RAB28: variants seen among roughly 807,000 people sequenced by gnomAD.
The protein encoded by RAB28 is ras-related protein Rab-28.
Under a neutral mutation model 31.7 loss-of-function variants are expected in RAB28, and 24 were observed. The ratio of observed to expected loss-of-function variants is 0.76; its 90% CI spans 0.55 to 1.06. The LOEUF is 1.06. RAB28 is among the 50% of genes least tolerant of loss of function. The pLI, the probability that RAB28 is intolerant of heterozygous loss-of-function variation, is 0.00. For synonymous variants in RAB28, 100 were observed against 90.4 expected (o/e 1.11, Z -0.60); for missense variants, 254 against 258.5 (o/e 0.98, Z 0.12).
At position 13,376,586 on chromosome 4, in the gene RAB28, G is replaced by C. The variant is rs375680071; in HGVS notation, c.532C>G (p.Leu178Val). Residue 178 changes from leucine to valine, a missense_variant, in exon 6 of 7, where the codon CTT (leucine) becomes GTT (valine). Physicochemically the swap from Leu to Val is conservative, Grantham distance 32. Coordinates refer to ENST00000330852, the MANE Select transcript of RAB28 (RefSeq NM_001017979.3). Reference sequence around the variant, plus strand: ...TCTGCTTTGTTTAATTTGATCCCAAGGATTTCAGCAGCAACTTTCTGAAAG... The same window carrying C: ...TCTGCTTTGTTTAATTTGATCCCAACGATTTCAGCAGCAACTTTCTGAAAG... ...LCFQKVAAEI[L>V]GIKLNKAEIE... 1 of 1,602,774 alleles carries C rather than the reference G, an allele frequency of 6.2e-7. No homozygotes were observed. The highest frequency in any genetic ancestry group is 2.3e-5 in the East Asian group (1 of 44,304).
At chr4:13,408,663 G>GA (rs1712244430) in intron 4 of RAB28, among the ~76,000 whole-genome samples, 1 of 151,892 alleles carries the variant, frequency 6.6e-6, no homozygotes, top group South Asian at 2.1e-4. Context: ...CAAAAAAAAT[G>GA]AAAAAAATTC....
intron 4 of RAB28, among the ~76,000 whole-genome samples, chr4:13,399,386 TAAC>T (rs1316290067): frequency 3.3e-5 from 5 of 152,224 alleles, no homozygotes; most frequent in East Asian, 1.9e-4. Context: ...GTTAAGATAC[TAAC>T]AACAAAGCCA....
intron 4 of RAB28, among the ~76,000 whole-genome samples, chr4:13,392,605 T>C (rs79678462): frequency 2.6e-5 from 4 of 152,168 alleles, no homozygotes; most frequent in Admixed American, 2.0e-4. Context: ...CTTTCCTCCA[T>C]ATCCTGGCCA....
intron 4 of RAB28, among the ~76,000 whole-genome samples, chr4:13,452,973 T>C (rs532312521): frequency 2.7e-5 from 4 of 150,668 alleles, no homozygotes; most frequent in Non-Finnish European, 1.5e-5. Flanking sequence ...TGTATATATT[T>C]ACAATTGTTA....
At chr4:13,457,994 C>T (rs1019347745) in intron 4 of RAB28, among the ~76,000 whole-genome samples, 4 of 152,058 alleles carry the variant, frequency 2.6e-5, no homozygotes, top group Non-Finnish European at 5.9e-5. Context: ...TATAAGCCAA[C>T]GCTTTGTATG....
At chr4:13,400,551 C>A (rs543032085) in intron 4 of RAB28, among the ~76,000 whole-genome samples, 2 of 152,100 alleles carry the variant, frequency 1.3e-5, no homozygotes, top group Admixed American at 6.5e-5. Flanking sequence ...GTTTTATATA[C>A]CTTTTTCTTG....
chr4:13,403,376 A>G (rs1456888686), intron 4 of RAB28, among the ~76,000 whole-genome samples: 2 of 152,212 alleles, frequency 1.3e-5, no homozygotes, highest in Non-Finnish European at 2.9e-5. Flanking sequence ...CTCTGGCTCA[A>G]AAACCTTTAG....
chr4:13,442,670 T>A (rs894045917), intron 4 of RAB28, among the ~76,000 whole-genome samples: 13 of 152,036 alleles, frequency 8.6e-5, no homozygotes, highest in Admixed American at 5.9e-4. Context: ...CCATTACCCA[T>A]AAGAGAAGAC....
At chr4:13,414,240 T>G (rs922939955) in intron 4 of RAB28, among the ~76,000 whole-genome samples, 1 of 152,180 alleles carries the variant, frequency 6.6e-6, no homozygotes, top group Non-Finnish European at 1.5e-5. Context: ...TCTGCAGTAA[T>G]GTTATTGACA....
chr4:13,479,342 C>T (rs1716503502), intron 2 of RAB28, 88 bp downstream of exon 2: 5 of 885,494 alleles, frequency 5.6e-6, no homozygotes, highest in Non-Finnish European at 8.9e-6. Flanking sequence ...GTAGAAGCAG[C>T]CCCAAAATTT....
chr4:13,474,130 A>C (rs1227145382), intron 3 of RAB28, 188 bp downstream of exon 3: 3 of 727,330 alleles, frequency 4.1e-6, no homozygotes, highest in East Asian at 5.2e-5. Context: ...TCCCTCACCC[A>C]AATCACTCCA....
At chr4:13,376,697 TA>T in intron 5 of RAB28, 75 bp from the exon 6 acceptor site, 1 of 984,950 alleles carries the variant, frequency 1.0e-6, no homozygotes, top group Non-Finnish European at 1.5e-6. Flanking sequence ...AGAATTTTCT[TA>T]AAAATGATAA....
intron 5 of RAB28, among the ~76,000 whole-genome samples, chr4:13,379,272 G>A (rs1449053463): frequency 6.7e-6 from 1 of 149,282 alleles, no homozygotes; most frequent in African/African-American, 2.5e-5. Flanking sequence ...GGGATATAGA[G>A]CATAATTACT....
intron 6 of RAB28, among the ~76,000 whole-genome samples, chr4:13,373,942 T>C (rs1371987583): frequency 6.9e-6 from 1 of 144,276 alleles, no homozygotes; most frequent in African/African-American, 2.9e-5. Context: ...TGTGTATATA[T>C]ATGTATGTAT....
intron 4 of RAB28, among the ~76,000 whole-genome samples, chr4:13,424,433 C>T (rs921831657): frequency 2.0e-5 from 3 of 152,164 alleles, no homozygotes. Context: ...GGGTCTCAGC[C>T]AAAATGTCTC....
chr4:13,373,484 C>A (rs886684984), intron 6 of RAB28, among the ~76,000 whole-genome samples: 1 of 152,150 alleles, frequency 6.6e-6, no homozygotes, highest in African/African-American at 2.4e-5. Flanking sequence ...ATTCTGGGAG[C>A]TCCTTGAGGA....
At chr4:13,469,054 T>TAGC (rs1715999442) in intron 3 of RAB28, among the ~76,000 whole-genome samples, 1 of 151,978 alleles carries the variant, frequency 6.6e-6, no homozygotes, top group South Asian at 2.1e-4. Context: ...GACCTCTAAG[T>TAGC]ACTCACCTCT....
intron 4 of RAB28, among the ~76,000 whole-genome samples, chr4:13,438,875 G>A (rs1035298851): frequency 3.3e-5 from 5 of 152,120 alleles, no homozygotes; most frequent in Admixed American, 2.6e-4. Flanking sequence ...GTTTTCCACG[G>A]CAGCTGCATT....
chr4:13,389,777 C>A (rs879580320), intron 4 of RAB28, among the ~76,000 whole-genome samples: 1 of 152,076 alleles, frequency 6.6e-6, no homozygotes, highest in Non-Finnish European at 1.5e-5. Flanking sequence ...TCTGAATCTA[C>A]CTTCACATAA....
Sources: gnomAD v4.1 joint callset for allele counts (sites outside exome capture counted in the v4.1 genomes callset) on GRCh38, gnomAD v4.1.1 for gene constraint, MANE v1.5 for transcripts, NCBI Gene and HGNC (gene_info 2026-07-23, HGNC 2026-07-21) for gene names.